FAM110A: variants seen among roughly 807,000 people sequenced by gnomAD.
The protein encoded by FAM110A is protein FAM110A.
FAM110A carries 1 observed loss-of-function variant against 4.0 expected under a neutral mutation model. That is an observed-to-expected ratio of 0.25 (90% CI 0.09 to 1.20). The LOEUF (loss-of-function observed/expected upper bound fraction) is 1.20. FAM110A is among the 50% of genes most tolerant of loss of function. FAM110A has a pLI of 0.50. For missense variants in FAM110A, 436 were observed against 429.2 expected, an observed-to-expected ratio of 1.02 and a Z score of -0.14; for synonymous variants, 217 against 196.8, an observed-to-expected ratio of 1.10 and a Z score of -0.86.
At chr20:835,192 C>CTATATA (rs1282809206) in intron 1 of FAM110A, among the ~76,000 whole-genome samples, 1 of 126,180 alleles carries the variant, frequency 7.9e-6, no homozygotes, top group African/African-American at 3.2e-5. Context: ...CTCTCTCTCT[C>CTATATA]TCTCTCTCTA....
chr20:841,305 G>C (rs1008384620), intron 1 of FAM110A: 4 of 152,198 alleles, frequency 2.6e-5, no homozygotes, highest in African/African-American at 9.7e-5. Flanking sequence ...CCAGCGGCGC[G>C]GGCGCAGCCG....
At position 840,705 on chromosome 20, in the gene FAM110A, C is replaced by A. The variant is rs1402965476; in HGVS notation, c.-97-4003C>A. 6.6e-6 allele frequency among the ~76,000 whole-genome samples: 1 copy of A among 152,176 alleles called. No homozygotes were observed. The highest frequency in any genetic ancestry group is 1.5e-5 in the Non-Finnish European group (1 of 68,026). On this transcript the variant is annotated intron_variant, in intron 1 of 1. Transcript: ENST00000381941. The surrounding 1 kb of genome is among the most constrained non-coding windows in gnomAD (Gnocchi z 4.4). ...TGACAGCATGGAGCACCAGGAGGGT[C>A]CCGCAGCCTGGTCAGGGACACACAG...
intron 1 of FAM110A, among the ~76,000 whole-genome samples, chr20:835,231 C>T (rs57218317): frequency 1.9e-4 from 29 of 149,606 alleles, no homozygotes; most frequent in African/African-American, 7.0e-4. Context: ...CACATATATA[C>T]ACACACACAT....
At position 845,410 on chromosome 20, in the gene FAM110A, C is replaced by T. The variant is rs774481619; in HGVS notation, c.606C>T (p.Leu202=). 7 of 1,613,760 alleles carry T rather than the reference C, an allele frequency of 4.3e-6. No individual in the cohort carries two copies. The highest frequency in any genetic ancestry group is 1.1e-5 in the South Asian group (1 of 91,072). ...GCTTTTCTAGGGCAGCCGCTGATCT[C>T]GAGCGCTTTTTTAACTTCTGCGGCC... ...SERFSRAAAD[L]ERFFNFCGLD... Residue 202 remains leucine (L), a synonymous_variant, in exon 2 of 2, where the codon CTC becomes CTT. Transcript: ENST00000381941.
In FAM110A at chr20:845,386, C is replaced by T. The variant is rs1266611393; in HGVS notation, c.582C>T (p.Arg194=). 4 of 1,613,124 alleles carry T rather than the reference C, an allele frequency of 2.5e-6. No homozygotes were observed. The Admixed American group carries it at 5.0e-5, about 20-fold the overall frequency. The change falls in exon 2 of 2, where the codon CGC becomes CGT. Residue 194 remains arginine (R), a synonymous_variant. Coordinates refer to ENST00000381941, the MANE Select transcript of FAM110A (RefSeq NM_001042353.3). The stretch of plus-strand genomic sequence containing the variant: ...GCTCCAAGTCGGACTTGAGCGAGCG[C>T]TTTTCTAGGGCAGCCGCTGATCTCG... ...LQRSKSDLSE[R]FSRAAADLER...
At position 844,921 on chromosome 20, in the gene FAM110A, A is replaced by G; in HGVS notation, c.117A>G (p.Lys39=). ...GGCCGGCAGATGGTGGAGCCCGGAA[A>G]CCGAGCGCTGTGGAGCGCCTGGAGG... ...LRGPADGGAR[K]PSAVERLEAD... is the part of the protein sequence containing the mutation. The change falls in exon 2 of 2, where the codon AAA becomes AAG. Residue 39 remains lysine, a synonymous_variant. Coordinates refer to ENST00000381941, the MANE Select transcript of FAM110A (RefSeq NM_001042353.3). 6.3e-7 allele frequency: 1 copy of G among 1,575,084 alleles called. No individual in the cohort carries two copies. Among genetic ancestry groups the G allele is most frequent in the Non-Finnish European group, 8.6e-7 (1 of 1,161,528 alleles).
At position 845,119 on chromosome 20, in the gene FAM110A, C is replaced by T. The variant is rs779713985; in HGVS notation, c.315C>T (p.Asp105=). Reference sequence around the variant, plus strand: ...GCCGACGGCCCCAGCTGGACCTGGACATCCTCAGCAGCCTCATCGACTTGT... The same window carrying T: ...GCCGACGGCCCCAGCTGGACCTGGATATCCTCAGCAGCCTCATCGACTTGT... The part of the protein sequence containing the change: ...GPCRRPQLDL[D]ILSSLIDLCD... Residue 105 remains aspartate, a synonymous_variant, in exon 2 of 2, where the codon GAC becomes GAT. Transcript: ENST00000381941. The T allele has an allele frequency of 2.5e-5, 39 of 1,589,628 alleles. No individual in the cohort carries two copies. The highest frequency in any genetic ancestry group is 3.2e-5 in the Non-Finnish European group (38 of 1,169,398).
chr20:835,213 T>TATATATAC (rs1555787559), intron 1 of FAM110A, among the ~76,000 whole-genome samples: 3 of 148,398 alleles, frequency 2.0e-5, no homozygotes, highest in African/African-American at 7.6e-5. Context: ...TATATATATA[T>TATATATAC]ACACACACAC....
intron 1 of FAM110A, among the ~76,000 whole-genome samples, chr20:837,478 A>G (rs1979644124): frequency 6.6e-6 from 1 of 152,202 alleles, no homozygotes; most frequent in Non-Finnish European, 1.5e-5. Context: ...TATTTGGTTG[A>G]ATAGTTATCA....
In FAM110A at chr20:845,608, G is replaced by T. The variant is rs1322363935; in HGVS notation, c.804G>T (p.Val268=). The T allele has an allele frequency of 6.2e-7, 1 of 1,614,118 alleles. No individual in the cohort carries two copies. The highest frequency in any genetic ancestry group is 8.5e-7 in the Non-Finnish European group (1 of 1,180,032). The change falls in exon 2 of 2, where the codon GTG becomes GTT. Residue 268 remains valine (V), a synonymous_variant. Coordinates refer to ENST00000381941, the MANE Select transcript of FAM110A (RefSeq NM_001042353.3). ...ERARERVPYG[V]SVVERNARVI... ...CCCGGGAGCGCGTTCCCTATGGCGT[G>T]TCGGTGGTGGAGCGCAATGCCCGCG...
chr20:840,111 C>A lies in FAM110A; in HGVS notation c.-97-4597C>A, dbSNP rs1008127921. On this transcript the variant is annotated intron_variant, in intron 1 of 1. Transcript: ENST00000381941. The surrounding 1 kb of genome is among the most constrained non-coding windows in gnomAD (Gnocchi z 4.4). ...GAAGGAGCCTTCCCTCCCCATCCCC[C>A]ATTTCTGCCTCCGTGGAGGGCTAGG... 1.5e-6 allele frequency: 1 copy of A among 650,144 alleles called. No homozygotes were observed. The highest frequency in any genetic ancestry group is 2.8e-6 in the Non-Finnish European group (1 of 359,700). The allele number at this position is 650,144 out of a possible 1,614,324, so 40.3% of individuals were successfully genotyped here.
intron 1 of FAM110A, among the ~76,000 whole-genome samples, chr20:843,091 G>A (rs1465328400): frequency 1.3e-5 from 2 of 152,186 alleles, no homozygotes; most frequent in Non-Finnish European, 2.9e-5. Flanking sequence ...TTGTGCAGGG[G>A]ATAAGGAGAA....
Position 845,381 on chromosome 20 carries a change from G to A in FAM110A, c.577G>A (p.Glu193Lys). ...GCAACGCTCCAAGTCGGACTTGAGCGAGCGCTTTTCTAGGGCAGCCGCTGA... is the reference window on the plus strand; with the variant it reads ...GCAACGCTCCAAGTCGGACTTGAGCAAGCGCTTTTCTAGGGCAGCCGCTGA... ...GLQRSKSDLSERFSRAAADLE... is the reference protein window; with the variant it reads ...GLQRSKSDLSKRFSRAAADLE... The change falls in exon 2 of 2, where the codon GAG becomes AAG. Residue 193 changes from glutamate (E) to lysine (K), a missense_variant. Glu to Lys is a moderately conservative substitution (Grantham distance 56). Transcript: ENST00000381941. 6.2e-7 allele frequency: 1 copy of A among 1,612,924 alleles called. No individual in the cohort carries two copies. The highest frequency in any genetic ancestry group is 8.5e-7 in the Non-Finnish European group (1 of 1,179,686).
intron 1 of FAM110A, among the ~76,000 whole-genome samples, chr20:837,211 C>A (rs1979631578): frequency 6.6e-6 from 1 of 152,044 alleles, no homozygotes; most frequent in South Asian, 2.1e-4. Context: ...CGCCACCATG[C>A]TGGGCTAATT....
In FAM110A at chr20:840,997, A is replaced by G. The variant is rs1336308942; in HGVS notation, c.-97-3711A>G. ...TCAGGGAGCGGGGCTCAGTTTGTCC[A>G]TCTCTAAGGTGGGTGCGCTTGCCTG... On this transcript the variant is annotated intron_variant, in intron 1 of 1. Transcript: ENST00000381941. The surrounding 1 kb of genome is among the most constrained non-coding windows in gnomAD (Gnocchi z 4.4). 6.6e-6 allele frequency among the ~76,000 whole-genome samples: 1 copy of G among 152,134 alleles called. No homozygotes were observed. The highest frequency in any genetic ancestry group is 2.4e-5 in the African/African-American group (1 of 41,420).
chr20:839,166 C>T (rs1367107749), intron 1 of FAM110A, among the ~76,000 whole-genome samples: 1 of 152,086 alleles, frequency 6.6e-6, no homozygotes, highest in Non-Finnish European at 1.5e-5. Context: ...CCGTCTCTTC[C>T]ACCTCCCCTC....
chr20:840,076 A>G lies in FAM110A; in HGVS notation c.-97-4632A>G. The stretch of plus-strand genomic sequence containing the variant: ...TTATTGTTGCTTTGCTGTTACTACT[A>G]TTAGCGCCTGAAGGAGCCTTCCCTC... On this transcript the variant is annotated intron_variant, in intron 1 of 1. Coordinates refer to ENST00000381941, the MANE Select transcript of FAM110A (RefSeq NM_001042353.3). This position sits in a 1 kb window ranked among gnomAD's most constrained non-coding sequence, Gnocchi z 4.4. 1.4e-6 allele frequency: 1 copy of G among 729,228 alleles called. No individual in the cohort carries two copies. Among genetic ancestry groups the G allele is most frequent in the Non-Finnish European group, 2.4e-6 (1 of 420,886 alleles). The allele number at this position is 729,228 out of a possible 1,614,324, so 45.2% of individuals were successfully genotyped here.
Position 844,688 on chromosome 20 carries a change from T to G in FAM110A, c.-97-20T>G. The G allele has an allele frequency of 2.3e-6, 3 of 1,291,816 alleles. No homozygotes were observed. The highest frequency in any genetic ancestry group is 2.9e-6 in the Non-Finnish European group (3 of 1,020,406). 80.0% of individuals were successfully genotyped at this position (1,291,816 alleles called of 1,614,324 possible). ...GAGCGCGCTCGGCTTTTTTTTTTTT[T>G]TCTCTCTCCTTCCCTGCAGCAGTGG... is the stretch of plus-strand genomic sequence containing the variant. On this transcript the variant is annotated intron_variant, in intron 1 of 1. Transcript: ENST00000381941.
Position 845,290 on chromosome 20 carries a change from G to A in FAM110A, c.486G>A (p.Ser162=). The A allele has an allele frequency of 6.6e-7, 1 of 1,509,296 alleles. No individual in the cohort carries two copies. The highest frequency in any genetic ancestry group is 8.8e-7 in the Non-Finnish European group (1 of 1,131,334). The allele number at this position is 1,509,296 out of a possible 1,614,324, so 93.5% of individuals were successfully genotyped here. A position where few individuals can be genotyped will look rare whatever the true frequency, so the allele number is the denominator to read the frequency against. Reference sequence around the variant, plus strand: ...TGGACGTCCGCCCCCTGCCCGCCTCGCCTGCCCGGCCCTGCCCATCACCCG... The same window carrying A: ...TGGACGTCCGCCCCCTGCCCGCCTCACCTGCCCGGCCCTGCCCATCACCCG... ...RRVDVRPLPA[S]PARPCPSPGP... Residue 162 remains serine, a synonymous_variant, in exon 2 of 2, where the codon TCG becomes TCA. Transcript: ENST00000381941.
Sources: allele counts gnomAD v4.1 joint callset (sites outside exome capture counted in the v4.1 genomes callset), GRCh38; gene constraint gnomAD v4.1.1; non-coding constraint Gnocchi (gnomAD v3.1); transcripts MANE v1.5; gene names NCBI Gene and HGNC (gene_info 2026-07-23, HGNC 2026-07-21).